The following SCAMP4 variants were observed in gnomAD, a reference collection of about 807,000 sequenced individuals.
SCAMP4 encodes the protein secretory carrier membrane protein 4.
SCAMP4 carries 19 observed loss-of-function variants against 32.1 expected under a neutral mutation model. The observed-to-expected ratio is 0.59, with a 90% CI of 0.41 to 0.87. SCAMP4 has a LOEUF of 0.87. SCAMP4 is among the 40% of genes least tolerant of loss of function. The pLI is 0.00. For missense variants in SCAMP4, 302 were observed against 309.0 expected, an observed-to-expected ratio of 0.98 and a Z score of 0.17; for synonymous variants, 152 against 132.7, an observed-to-expected ratio of 1.15 and a Z score of -1.00.
At position 1,924,158 on chromosome 19, in the gene SCAMP4, G is replaced by T. The variant is rs377518680; in HGVS notation, c.564G>T (p.Thr188=). The change falls in exon 7 of 7, where the codon ACG becomes ACT. Residue 188 remains threonine (T), a synonymous_variant. Transcript: ENST00000316097. The stretch of plus-strand genomic sequence containing the variant: ...GCGGAAGCTTCCAGAAGGCACAGAC[G>T]GAGTGGAACACGGGCACTTGGCGGA... The part of the protein sequence containing the change: ...GAGGSFQKAQ[T]EWNTGTWRNP... 4.3e-6 allele frequency: 7 copies of T among 1,611,962 alleles called. No homozygotes were observed. Among genetic ancestry groups the T allele is most frequent in the Non-Finnish European group, 5.1e-6 (6 of 1,179,048 alleles).
At chr19:1,915,814 C>T (rs1263685232) in intron 2 of SCAMP4, among the ~76,000 whole-genome samples, 7 of 151,906 alleles carry the variant, frequency 4.6e-5, no homozygotes, top group Non-Finnish European at 7.4e-5. Flanking sequence ...GGCGTGGTGG[C>T]GGGTGCCTGT....
At chr19:1,909,436 C>T (rs2013318715) in intron 1 of SCAMP4, among the ~76,000 whole-genome samples, 2 of 152,216 alleles carry the variant, frequency 1.3e-5, no homozygotes. Flanking sequence ...AGTGGCCCTA[C>T]TGCCTCATGT....
At chr19:1,913,832 C>T (rs527724387) in intron 1 of SCAMP4, among the ~76,000 whole-genome samples, 5 of 152,352 alleles carry the variant, frequency 3.3e-5, no homozygotes, top group Non-Finnish European at 7.3e-5. Context: ...TGGGTCCACC[C>T]GGCAAGTGTC....
intron 1 of SCAMP4, chr19:1,907,870 G>A (rs905129379): frequency 2.5e-4 from 38 of 152,522 alleles, no homozygotes; most frequent in African/African-American, 8.9e-4. Context: ...TAGCAGGTAG[G>A]TAGGAGGTGC....
chr19:1,923,272 A>G (rs542907887), intron 6 of SCAMP4, 85 bp downstream of exon 6: 2 of 1,201,366 alleles, frequency 1.7e-6, no homozygotes, highest in East Asian at 2.7e-5. Flanking sequence ...GTGAACGTCG[A>G]GGAGCCGGGC....
chr19:1,911,789 AAAAAT>A (rs577625338), intron 1 of SCAMP4: 208 of 396,924 alleles, frequency 5.2e-4, no homozygotes, highest in African/African-American at 3.8e-3. Context: ...TCAGAAGTAA[AAAAAT>A]AAAATAAAAA....
At chr19:1,907,281 C>G (rs1002290216) in intron 1 of SCAMP4, 2 of 151,866 alleles carry the variant, frequency 1.3e-5, no homozygotes, top group African/African-American at 4.8e-5. Flanking sequence ...CCCCAGCCTT[C>G]CAGGCTGGGC....
intron 1 of SCAMP4, chr19:1,912,443 C>T (rs950437465): frequency 2.4e-5 from 36 of 1,507,238 alleles, no homozygotes; most frequent in Middle Eastern, 3.7e-4. Context: ...CGGCTGTGGA[C>T]CCCCGCGGCC....
chr19:1,907,182 C>A (rs62127734), intron 1 of SCAMP4: 6 of 150,868 alleles, frequency 4.0e-5, no homozygotes, highest in African/African-American at 1.5e-4. Context: ...GTGAGACTGT[C>A]CCAAAAAAAA....
At chr19:1,921,637 C>G (rs2013924114) in intron 5 of SCAMP4, 1 of 985,418 alleles carries the variant, frequency 1.0e-6, no homozygotes, top group Admixed American at 6.1e-5. Context: ...GCCTTTGCCG[C>G]TTTTCATAAA....
At chr19:1,916,407 A>G (rs1288457268) in intron 2 of SCAMP4, among the ~76,000 whole-genome samples, 10 of 152,104 alleles carry the variant, frequency 6.6e-5, no homozygotes, top group Admixed American at 5.9e-4. Flanking sequence ...TTCCTGAGAC[A>G]CCTTGATCTC....
At chr19:1,923,653 C>G (rs370022517) in intron 6 of SCAMP4, among the ~76,000 whole-genome samples, 17 of 138,838 alleles carry the variant, frequency 1.2e-4, no homozygotes, top group Admixed American at 3.1e-4. Flanking sequence ...GAGTCTCGCT[C>G]TGTCACCCAG....
At chr19:1,915,312 C>T (rs1383786407) in intron 2 of SCAMP4, 4 of 540,754 alleles carry the variant, frequency 7.4e-6, no homozygotes, top group Admixed American at 3.2e-5. Flanking sequence ...TAGCAGCGGG[C>T]GTGTTCTCAT....
Position 1,925,046 on chromosome 19 carries a change from G to A in SCAMP4, c.*762G>A, listed in dbSNP as rs562652586. 669 of 152,422 alleles carry A rather than the reference G, an allele frequency of 4.4e-3. 2 individuals are homozygous for A. Among genetic ancestry groups the A allele is most frequent in the South Asian group, 9.7e-3 (47 of 4,830 alleles). 9.4% of individuals were successfully genotyped at this position (152,422 alleles called of 1,614,324 possible). A position where few individuals can be genotyped will look rare whatever the true frequency, so the allele number is the denominator to read the frequency against. ...AAACCCAGCAAACCGGCAGAGAGCC[G>A]GTTTCCCAGCAGCCGGAGCCCTGCA... On this transcript the variant is annotated 3_prime_UTR_variant, in exon 7 of 7. Transcript: ENST00000316097.
intron 1 of SCAMP4, among the ~76,000 whole-genome samples, chr19:1,911,533 C>A (rs1163318203): frequency 6.6e-6 from 1 of 152,192 alleles, no homozygotes; most frequent in Non-Finnish European, 1.5e-5. Flanking sequence ...CACCTGTAAT[C>A]CCACCACCAG....
intron 1 of SCAMP4, chr19:1,907,016 C>T (rs12977411): frequency 0.062 from 9,398 of 151,520 alleles, 375 homozygotes; most frequent in East Asian, 0.13. Flanking sequence ...TGAAATCCCA[C>T]CTCTACTAAA....
At chr19:1,921,034 C>T (rs894121823) in intron 5 of SCAMP4, 2 of 985,320 alleles carry the variant, frequency 2.0e-6, no homozygotes, top group Middle Eastern at 5.2e-4. Context: ...GAAAGAAACC[C>T]AGCGGGTCTT....
intron 5 of SCAMP4, chr19:1,919,430 C>T (rs1301127226): frequency 2.0e-6 from 2 of 984,984 alleles, no homozygotes; most frequent in African/African-American, 3.5e-5. Flanking sequence ...CAGTCACTCT[C>T]TAAGGCTGCC....
At chr19:1,921,744 A>G in intron 5 of SCAMP4, 1 of 984,290 alleles carries the variant, frequency 1.0e-6, no homozygotes, top group Non-Finnish European at 1.2e-6. Context: ...TTGGGAGGCC[A>G]AAGCAGGAGA....
Sources: gnomAD v4.1 joint callset for allele counts (sites outside exome capture counted in the v4.1 genomes callset) on GRCh38, gnomAD v4.1.1 for gene constraint, MANE v1.5 for transcripts, NCBI Gene and HGNC (gene_info 2026-07-23, HGNC 2026-07-21) for gene names.